Variants in FBN1 observed in about 807,000 individuals in gnomAD.
The protein encoded by FBN1 is fibrillin 1.
A neutral mutation model predicts 365.1 loss-of-function variants in FBN1; 29 were observed. That is an observed-to-expected ratio of 0.08 (90% CI 0.06 to 0.11). The LOEUF (loss-of-function observed/expected upper bound fraction) is 0.11. FBN1 is among the 10% of genes least tolerant of loss of function. The pLI is 1.00. For missense variants in FBN1, 2,476 were observed against 3,703.2 expected, an observed-to-expected ratio of 0.67 and a Z score of 8.60; for synonymous variants, 1,210 against 1,270.5, an observed-to-expected ratio of 0.95 and a Z score of 1.01.
chr15:48,584,625 T>A (rs947614096), intron 6 of FBN1, among the ~76,000 whole-genome samples: 3 of 152,188 alleles, frequency 2.0e-5, no homozygotes, highest in Admixed American at 2.0e-4. Context: ...TTTTGTTTAG[T>A]TTTGTGATAG....
intron 43 of FBN1, among the ~76,000 whole-genome samples, chr15:48,457,309 G>A (rs540820443): frequency 6.0e-4 from 91 of 152,340 alleles, no homozygotes; most frequent in Non-Finnish European, 1.1e-3. Context: ...CAGCACCAAG[G>A]AAGAACTGTC....
chr15:48,562,878 T>A (rs1307091516), intron 6 of FBN1, among the ~76,000 whole-genome samples: 1 of 152,218 alleles, frequency 6.6e-6, no homozygotes, highest in African/African-American at 2.4e-5. Context: ...CTCTAAAATT[T>A]GTAATGAAAC....
intron 56 of FBN1, among the ~76,000 whole-genome samples, chr15:48,430,469 G>C (rs1430117073): frequency 6.6e-6 from 1 of 152,198 alleles, no homozygotes; most frequent in African/African-American, 2.4e-5. Flanking sequence ...ACAAAGGCCA[G>C]ATCAGAGGGA....
chr15:48,498,811 G>C (rs2043630970), intron 18 of FBN1, among the ~76,000 whole-genome samples, 174 bp downstream of exon 18: 1 of 152,118 alleles, frequency 6.6e-6, no homozygotes, highest in Non-Finnish European at 1.5e-5. Flanking sequence ...AGCCCACAGT[G>C]CCCCGGCTGC....
chr15:48,417,034 G>T (rs1334708414), intron 63 of FBN1, among the ~76,000 whole-genome samples: 1 of 152,162 alleles, frequency 6.6e-6, no homozygotes, highest in African/African-American at 2.4e-5. Flanking sequence ...GCTCTTCCAA[G>T]ATCTCACAGC....
At chr15:48,495,068 T>G in intron 22 of FBN1, 55 bp downstream of exon 22, 1 of 1,610,890 alleles carries the variant, frequency 6.2e-7, no homozygotes, top group Non-Finnish European at 8.5e-7. Context: ...GGCTTCCCCT[T>G]TTTATGCAAA....
Position 48,445,494 on chromosome 15 carries a change from T to A in FBN1, c.5799A>T (p.Glu1933Asp). 1 of 1,612,482 alleles carries A rather than the reference T, an allele frequency of 6.2e-7. No individual in the cohort carries two copies. The highest frequency in any genetic ancestry group is 1.7e-4 in the Middle Eastern group (1 of 6,048). The part of the protein sequence containing the change: ...SHNNDCIDVD[E>D]CASGNGNLCR... ...AAAGATTCCCATTTCCACTTGCACA[T>A]TCATCAACATCTGCAGAAAAATCCC... is the stretch of plus-strand genomic sequence containing the variant. Residue 1933 changes from glutamate (E) to aspartate (D), a missense_variant, in exon 48 of 66, where the codon GAA becomes GAT. This residue lies in a region of FBN1 where 1,780 missense variants were observed against 2,840.8 expected (regional missense o/e 0.63). Coordinates refer to ENST00000316623, the MANE Select transcript of FBN1 (RefSeq NM_000138.5).
chr15:48,456,534 A>T, intron 44 of FBN1, 103 bp downstream of exon 44: 1 of 1,143,394 alleles, frequency 8.7e-7, no homozygotes, highest in African/African-American at 1.5e-5. Context: ...CTAGAGCTTA[A>T]TGCATTTCTG....
At chr15:48,633,717 G>A (rs1310927084) in intron 2 of FBN1, among the ~76,000 whole-genome samples, 3 of 152,150 alleles carry the variant, frequency 2.0e-5, no homozygotes, top group East Asian at 3.8e-4. Context: ...ATGAGAGAAA[G>A]AAAACACCCA....
chr15:48,460,675 T>A (rs1261659509), intron 42 of FBN1, among the ~76,000 whole-genome samples: 1 of 152,126 alleles, frequency 6.6e-6, no homozygotes, highest in Non-Finnish European at 1.5e-5. Flanking sequence ...CATTTAGAGA[T>A]CTAGGGTTTG....
At chr15:48,462,990 C>T (rs960041643) in intron 42 of FBN1, 92 bp downstream of exon 42, 1 of 1,280,614 alleles carries the variant, frequency 7.8e-7, no homozygotes, top group Non-Finnish European at 1.1e-6. Flanking sequence ...AAACAATGCA[C>T]ACTTTGCTTC....
chr15:48,419,793 GAAT>G (rs1160708299), intron 63 of FBN1, among the ~76,000 whole-genome samples: 1 of 152,198 alleles, frequency 6.6e-6, no homozygotes, highest in Non-Finnish European at 1.5e-5. Context: ...GCTCTGTACA[GAAT>G]AATGTGGCAA....
At chr15:48,616,517 A>G (rs1889656931) in intron 2 of FBN1, among the ~76,000 whole-genome samples, 1 of 152,254 alleles carries the variant, frequency 6.6e-6, no homozygotes, top group Non-Finnish European at 1.5e-5. Flanking sequence ...GTCTTATTGA[A>G]GCTGGAAAGA....
chr15:48,435,600 T>C (rs915797661), intron 53 of FBN1, among the ~76,000 whole-genome samples: 4 of 151,982 alleles, frequency 2.6e-5, no homozygotes, highest in African/African-American at 9.7e-5. Context: ...TAGAAAAAAA[T>C]ATGTTTAGGT....
intron 6 of FBN1, among the ~76,000 whole-genome samples, chr15:48,594,446 T>TAAA: frequency 6.6e-6 from 1 of 152,270 alleles, no homozygotes; most frequent in Non-Finnish European, 1.5e-5. Flanking sequence ...CAACAGATAT[T>TAAA]TACACCTTAG....
chr15:48,633,011 C>T (rs1320047777), intron 2 of FBN1, among the ~76,000 whole-genome samples: 2 of 152,186 alleles, frequency 1.3e-5, no homozygotes, highest in African/African-American at 4.8e-5. Context: ...ACATCAAGTC[C>T]TTCACTGAAA....
chr15:48,472,774 ACTTCAATTTG>A, intron 34 of FBN1, 98 bp from the exon 35 acceptor site: 1 of 1,547,148 alleles, frequency 6.5e-7, no homozygotes, highest in Non-Finnish European at 8.9e-7. Flanking sequence ...TTTTGGCATA[ACTTCAATTTG>A]ACACATTTAA....
intron 4 of FBN1, among the ~76,000 whole-genome samples, chr15:48,601,981 CT>C (rs768328096): frequency 7.9e-5 from 12 of 152,352 alleles, no homozygotes; most frequent in Admixed American, 6.5e-5. Context: ...ACTCCATCCC[CT>C]GATCTACTTA....
At chr15:48,621,870 C>T (rs1026433460) in intron 2 of FBN1, among the ~76,000 whole-genome samples, 10 of 149,744 alleles carry the variant, frequency 6.7e-5, no homozygotes, top group African/African-American at 9.8e-5. Flanking sequence ...TGGTGGCGGG[C>T]GCCTGTAGTC....
Sources: allele counts gnomAD v4.1 joint callset (sites outside exome capture counted in the v4.1 genomes callset), GRCh38; gene constraint gnomAD v4.1.1; regional missense constraint gnomAD v4.1.1; transcripts MANE v1.5; gene names NCBI Gene and HGNC (gene_info 2026-07-23, HGNC 2026-07-21).